Variants in EWSR1 observed in about 807,000 individuals in gnomAD.
EWSR1 encodes the protein EWS RNA binding protein 1.
In EWSR1, 14 loss-of-function variants were observed where a neutral mutation model predicts 92.1. The ratio of observed to expected loss-of-function variants is 0.15; its 90% confidence interval spans 0.10 to 0.24. The LOEUF is 0.24. EWSR1 is among the 10% of genes least tolerant of loss of function. EWSR1 has a pLI of 1.00. For synonymous variants in EWSR1, 303 were observed against 292.9 expected, an observed-to-expected ratio of 1.03 and a Z score of -0.35; for missense variants, 637 against 870.9, an observed-to-expected ratio of 0.73 and a Z score of 3.38.
chr22:29,268,455 G>T (rs1359434455), intron 1 of EWSR1, 106 bp downstream of exon 1: 1 of 1,591,270 alleles, frequency 6.3e-7, no homozygotes, highest in Non-Finnish European at 8.6e-7. Context: ...GTTGCCGAGA[G>T]GGGGTTGAGG....
At chr22:29,274,202 GT>G in intron 4 of EWSR1, 8 of 1,572,918 alleles carry the variant, frequency 5.1e-6, no homozygotes, top group Non-Finnish European at 6.1e-6. Flanking sequence ...AATCAAACTG[GT>G]TTTCACATGT....
In EWSR1 at chr22:29,287,118, C is replaced by T; in HGVS notation, c.777C>T (p.Ser259=). ...QAPSQYSQQS[S]SYGQQSSFRQ... is the part of the protein sequence containing the mutation. ...CAAGTCAATATAGCCAACAGAGCAGCAGCTACGGGCAGCAGAGTGAGTTGC... is the reference window on the plus strand; with the variant it reads ...CAAGTCAATATAGCCAACAGAGCAGTAGCTACGGGCAGCAGAGTGAGTTGC... The change falls in exon 7 of 17, where the codon AGC becomes AGT. Residue 259 remains serine (S), a synonymous_variant. Transcript: ENST00000397938. 1 of 1,614,108 alleles carries T rather than the reference C, an allele frequency of 6.2e-7. No homozygotes were observed. Among genetic ancestry groups the T allele is most frequent in the Non-Finnish European group, 8.5e-7 (1 of 1,179,970 alleles).
At chr22:29,272,038 G>A (rs1199831005) in intron 1 of EWSR1, among the ~76,000 whole-genome samples, 178 bp from the exon 2 acceptor site, 1 of 152,154 alleles carries the variant, frequency 6.6e-6, no homozygotes, top group Non-Finnish European at 1.5e-5. Flanking sequence ...AGTTTAACTG[G>A]TTTAGACTTT....
intron 12 of EWSR1, among the ~76,000 whole-genome samples, chr22:29,297,107 C>T (rs754037239): frequency 6.6e-6 from 1 of 152,142 alleles, no homozygotes; most frequent in African/African-American, 2.4e-5. Flanking sequence ...CAGTCAGCTT[C>T]CCACCAGCTT....
chr22:29,288,661 A>C lies in EWSR1; in HGVS notation c.849A>C (p.Gly283=). The part of the protein sequence containing the change: ...SSMGVYGQES[G]GFSGPGENRS... ...TGGGTGTTTATGGGCAGGAGTCTGG[A>C]GGATTTTCCGGACCAGGAGAGAACC... Residue 283 remains glycine, a synonymous_variant, in exon 8 of 17, where the codon GGA becomes GGC. Transcript: ENST00000397938. 6.2e-7 allele frequency: 1 copy of C among 1,613,816 alleles called. No homozygotes were observed. The highest frequency in any genetic ancestry group is 8.5e-7 in the Non-Finnish European group (1 of 1,179,856).
chr22:29,270,640 A>G (rs1248565961), intron 1 of EWSR1, among the ~76,000 whole-genome samples: 1 of 152,242 alleles, frequency 6.6e-6, no homozygotes, highest in East Asian at 1.9e-4. Flanking sequence ...TTGATGTTTT[A>G]CATAACTGCT....
intron 8 of EWSR1, chr22:29,290,323 C>A (rs904612552): frequency 1.5e-6 from 2 of 1,311,712 alleles, no homozygotes; most frequent in African/African-American, 1.5e-5. Flanking sequence ...GTTAACATGC[C>A]CTTTTTCATT....
chr22:29,299,259 T>C lies in EWSR1; in HGVS notation c.1606T>C (p.Trp536Arg). ...GGGTTGTGGAAACCAGAACTTCGCC[T>C]GGAGAACAGAGTGCAACCAGTGTAA... Reference protein sequence around the residue: ...NPGCGNQNFAWRTECNQCKAP... With the variant: ...NPGCGNQNFARRTECNQCKAP... Residue 536 changes from tryptophan to arginine, a missense_variant, in exon 15 of 17, where the codon TGG (tryptophan) becomes CGG (arginine). Transcript: ENST00000397938. 6.2e-7 allele frequency: 1 copy of C among 1,614,120 alleles called. No homozygotes were observed. The highest frequency in any genetic ancestry group is 8.5e-7 in the Non-Finnish European group (1 of 1,179,982).
intron 4 of EWSR1, among the ~76,000 whole-genome samples, chr22:29,275,049 A>G (rs567255964): frequency 2.5e-4 from 16 of 64,244 alleles, no homozygotes; most frequent in Non-Finnish European, 3.8e-4. Context: ...CCTGATTTTG[A>G]TGGGAAGTAA....
intron 5 of EWSR1, among the ~76,000 whole-genome samples, chr22:29,279,607 TTGAATTC>T (rs1159050160): frequency 1.3e-5 from 2 of 152,238 alleles, no homozygotes; most frequent in Non-Finnish European, 2.9e-5. Context: ...TGAAAGGACA[TTGAATTC>T]TGGTTTGAAA....
intron 7 of EWSR1, among the ~76,000 whole-genome samples, chr22:29,287,457 C>A (rs1364541240): frequency 6.6e-6 from 1 of 152,212 alleles, no homozygotes; most frequent in Non-Finnish European, 1.5e-5. Flanking sequence ...ATCCTCCCGC[C>A]TCAGCCACCC....
intron 10 of EWSR1, 37 bp from the exon 11 acceptor site, chr22:29,292,451 C>T (rs1344732517): frequency 7.2e-7 from 1 of 1,379,608 alleles, no homozygotes; most frequent in Admixed American, 1.7e-5. Flanking sequence ...CCTATAGATA[C>T]ATGATAATAA....
At chr22:29,290,496 G>T in intron 8 of EWSR1, 1 of 1,613,138 alleles carries the variant, frequency 6.2e-7, no homozygotes, top group Non-Finnish European at 8.5e-7. Flanking sequence ...AATGAAAAGT[G>T]GGACTAGACA....
chr22:29,294,304 G>T (rs1244068953), intron 11 of EWSR1, among the ~76,000 whole-genome samples: 1 of 151,918 alleles, frequency 6.6e-6, no homozygotes, highest in Admixed American at 6.6e-5. Flanking sequence ...TATTACTGGT[G>T]TATAGAAATA....
At position 29,298,507 on chromosome 22, in the gene EWSR1, C is replaced by CAAAA. The variant is rs35896020; in HGVS notation, c.1418-211_1418-208dup. 5.1e-3 allele frequency among the ~76,000 whole-genome samples: 548 copies of CAAAA among 107,196 alleles called. 2 individuals carry two copies. The highest frequency in any genetic ancestry group is 0.018 in the African/African-American group (532 of 30,356). The allele number at this position is 107,196 out of a possible 152,430, so 70.3% of individuals were successfully genotyped here. A position where few individuals can be genotyped will look rare whatever the true frequency, so the allele number is the denominator to read the frequency against. On this transcript the variant is annotated intron_variant, in intron 13 of 16. Transcript: ENST00000397938. ...GGGCAACAGTGTGAGACTCCGTCTCCAAAAAAAAAAAAAAAAAATTGTGGG... is the reference window on the plus strand; with the variant it reads ...GGGCAACAGTGTGAGACTCCGTCTCCAAAAAAAAAAAAAAAAAAAAAATTGTGGG...
chr22:29,290,241 C>G (rs2060350060), intron 8 of EWSR1: 3 of 567,352 alleles, frequency 5.3e-6, no homozygotes, highest in Non-Finnish European at 9.3e-6. Context: ...GGGCATTTCC[C>G]TCGTTGCCCC....
chr22:29,275,722 G>A (rs1039917052), intron 4 of EWSR1: 1 of 229,070 alleles, frequency 4.4e-6, no homozygotes, highest in Non-Finnish European at 8.7e-6. Flanking sequence ...GAAATACACT[G>A]TTCTCTTCTA....
At position 29,292,670 on chromosome 22, in the gene EWSR1, T is replaced by G. The variant is rs1203932659; in HGVS notation, c.1164+64T>G. On this transcript the variant is annotated intron_variant, in intron 11 of 16. Coordinates refer to ENST00000397938, the MANE Select transcript of EWSR1 (RefSeq NM_005243.4). ...AAACCACAGAGCATTTTAAAGAGAT[T>G]GAATTGATGTTGAGAGTTGTTTTCT... 9.6e-6 allele frequency: 10 copies of G among 1,045,088 alleles called. No individual in the cohort carries two copies. The African/African-American group carries it at 1.4e-4, about 15-fold the overall frequency. The allele number at this position is 1,045,088 out of a possible 1,614,324, so 64.7% of individuals were successfully genotyped here.
intron 1 of EWSR1, chr22:29,269,293 C>G (rs1044570346): frequency 9.8e-5 from 15 of 152,296 alleles, no homozygotes; most frequent in African/African-American, 3.6e-4. Flanking sequence ...CTGTTGATTT[C>G]GTAGGTCGAC....
Sources: allele counts gnomAD v4.1 joint callset (sites outside exome capture counted in the v4.1 genomes callset), GRCh38; gene constraint gnomAD v4.1.1; transcripts MANE v1.5; gene names NCBI Gene and HGNC (gene_info 2026-07-23, HGNC 2026-07-21).